AIMP2: variants seen among roughly 807,000 people sequenced by gnomAD.
AIMP2 encodes aminoacyl tRNA synthetase complex interacting multifunctional protein 2, also known as aminoacyl tRNA synthase complex-interacting multifunctional protein 2.
A neutral mutation model predicts 23.4 loss-of-function variants in AIMP2; 20 were observed. The observed-to-expected ratio is 0.85, with a 90% CI of 0.60 to 1.24. AIMP2 has a LOEUF of 1.24. Ranked by LOEUF, AIMP2 falls within the 50% of genes most tolerant of loss-of-function variation. The probability of loss-of-function intolerance (pLI) is 0.00; values close to 1 mark genes in which losing one functional copy is unlikely to be tolerated. For synonymous variants in AIMP2, 210 were observed against 170.4 expected (o/e 1.23, Z -1.81); for missense variants, 515 against 414.5 (o/e 1.24, Z -2.10).
At position 6,009,492 on chromosome 7, in the gene AIMP2, C is replaced by A. The variant is rs775895677; in HGVS notation, c.129C>A (p.His43Gln). ...RSYGPAPGAG[H>Q]VQEESNLSLQ... is the part of the protein sequence containing the mutation. ...ACGGCCCAGCGCCGGGCGCTGGCCA[C>A]GTGCAGGTAGGAGCGCGGGGCCCCC... Residue 43 changes from histidine (H) to glutamine (Q), a missense_variant, in exon 1 of 4, where the codon CAC becomes CAA. His to Gln is a conservative substitution (Grantham distance 24). Coordinates refer to ENST00000223029, the MANE Select transcript of AIMP2 (RefSeq NM_006303.4). 4.5e-6 allele frequency: 7 copies of A among 1,549,756 alleles called. No individual in the cohort carries two copies. Among genetic ancestry groups the A allele is most frequent in the East Asian group, 2.4e-5 (1 of 41,290 alleles).
At position 6,009,296 on chromosome 7, in the gene AIMP2, C is replaced by A. The variant is rs1583437645; in HGVS notation, c.-68C>A. On this transcript the variant is annotated 5_prime_UTR_variant, in exon 1 of 4. Coordinates refer to ENST00000223029, the MANE Select transcript of AIMP2 (RefSeq NM_006303.4). ...CAGAAGGGAGGTGGCCGGTCTCCGT[C>A]GTGACCTCTGACGGTTTCTGAGCGT... 1.2e-6 allele frequency: 2 copies of A among 1,609,836 alleles called. No individual in the cohort carries two copies. The highest frequency in any genetic ancestry group is 1.7e-6 in the Non-Finnish European group (2 of 1,179,010).
At chr7:6,010,327 T>A (rs1043743527) in intron 1 of AIMP2, among the ~76,000 whole-genome samples, 1 of 151,980 alleles carries the variant, frequency 6.6e-6, no homozygotes, top group African/African-American at 2.4e-5. Flanking sequence ...CTCCATTCTT[T>A]CCACTTAAAC....
At chr7:6,009,554 C>A in intron 1 of AIMP2, 56 bp downstream of exon 1, 1 of 1,375,360 alleles carries the variant, frequency 7.3e-7, no homozygotes, top group South Asian at 1.7e-5. Flanking sequence ...GCTGCTGGCC[C>A]GGGTCCCCCC....
intron 3 of AIMP2, among the ~76,000 whole-genome samples, chr7:6,020,677 A>G (rs777104833): frequency 6.6e-6 from 1 of 152,204 alleles, no homozygotes; most frequent in South Asian, 2.1e-4. Context: ...GCAGCAGACA[A>G]GTTCCCAGAT....
intron 3 of AIMP2, among the ~76,000 whole-genome samples, chr7:6,021,696 T>C (rs1271310185): frequency 6.6e-6 from 1 of 152,112 alleles, no homozygotes; most frequent in African/African-American, 2.4e-5. Context: ...GAAGAAGACC[T>C]AGGAGAAGCC....
At chr7:6,018,565 G>C (rs1026183172) in intron 3 of AIMP2, among the ~76,000 whole-genome samples, 1 of 152,022 alleles carries the variant, frequency 6.6e-6, no homozygotes, top group Non-Finnish European at 1.5e-5. Flanking sequence ...GCCACGCGCA[G>C]GGGCTCACGC....
chr7:6,018,002 C>G lies in AIMP2; in HGVS notation c.531C>G (p.Pro177=), dbSNP rs757057598. The part of the protein sequence containing the change: ...KCFGEQNKKQ[P]RQDYQLGFTL... ...TTGGAGAACAGAATAAAAAACAGCC[C>G]CGCCAAGACTATCAGCTGGGATTCA... Residue 177 remains proline, a synonymous_variant, in exon 3 of 4, where the codon CCC becomes CCG. Transcript: ENST00000223029. 6.2e-7 allele frequency: 1 copy of G among 1,613,882 alleles called. No individual in the cohort carries two copies. Among genetic ancestry groups the G allele is most frequent in the African/African-American group, 1.3e-5 (1 of 74,868 alleles).
rs751740812 is a variant in AIMP2, at chr7:6,023,349, C to A, written c.621C>A (p.Ile207=). 2.9e-5 allele frequency: 46 copies of A among 1,611,036 alleles called. 1 individual carries two copies. The South Asian group carries it at 4.9e-4, about 17-fold the overall frequency. The part of the protein sequence containing the change: ...MKFSIQTMCP[I]EGEGNIARFL... ...TCAGCATCCAGACGATGTGCCCCAT[C>A]GAAGGCGAAGGGAACATTGCACGTT... is the stretch of plus-strand genomic sequence containing the variant. Residue 207 remains isoleucine (I), a synonymous_variant, in exon 4 of 4, where the codon ATC becomes ATA. Coordinates refer to ENST00000223029, the MANE Select transcript of AIMP2 (RefSeq NM_006303.4).
At position 6,011,934 on chromosome 7, in the gene AIMP2, TAAC is replaced by T. The variant is rs1474183211; in HGVS notation, c.135+2439_135+2441del. ...TTCTAGCAGTTTCTCTAGGAGGTGA[TAAC>T]AATGCGGACAAATAATTAGCCATAA... On this transcript the variant is annotated intron_variant, in intron 1 of 3. Coordinates refer to ENST00000223029, the MANE Select transcript of AIMP2 (RefSeq NM_006303.4). Among the ~76,000 whole-genome samples, 3 of 152,174 alleles carry T rather than the reference TAAC, an allele frequency of 2.0e-5. No homozygotes were observed. In the South Asian group the frequency reaches 6.2e-4, roughly 32 times the overall value.
chr7:6,010,823 T>C (rs1786629332), intron 1 of AIMP2, among the ~76,000 whole-genome samples: 1 of 145,136 alleles, frequency 6.9e-6, no homozygotes, highest in South Asian at 2.2e-4. Flanking sequence ...TTTTTTTTAA[T>C]GTAGAGATGA....
rs1020256663 is a variant in AIMP2 at position 6,021,707 on chromosome 7, G to A, written c.575-1596G>A. ...TGAGGAAGAAGACCTAGGAGAAGCCGGGCTGGAAAACAGATTTCCATTAGA... is the reference window on the plus strand; with the variant it reads ...TGAGGAAGAAGACCTAGGAGAAGCCAGGCTGGAAAACAGATTTCCATTAGA... On this transcript the variant is annotated intron_variant, in intron 3 of 3. Transcript: ENST00000223029. Among the ~76,000 whole-genome samples the A allele has an allele frequency of 2.0e-5, 3 of 152,084 alleles. No individual in the cohort carries two copies. The South Asian group carries it at 6.2e-4, about 32-fold the overall frequency.
Position 6,009,413 on chromosome 7 carries a change from G to A in AIMP2, c.50G>A (p.Arg17His), listed in dbSNP as rs774238548. 19 of 1,611,390 alleles carry A rather than the reference G, an allele frequency of 1.2e-5. No homozygotes were observed. Among genetic ancestry groups the A allele is most frequent in the Non-Finnish European group, 1.4e-5 (16 of 1,179,984 alleles). Residue 17 changes from arginine to histidine, a missense_variant, in exon 1 of 4, where the codon CGT becomes CAT. Physicochemically the swap from Arg to His is conservative, Grantham distance 29 (BLOSUM62 0). Transcript: ENST00000223029. ...TATCACGGGGGCGGCGCGCCTCTCC[G>A]TGTGGAGCTTCCCACCTGCATGTAC... ...KPYHGGGAPL[R>H]VELPTCMYRL...
intron 1 of AIMP2, among the ~76,000 whole-genome samples, chr7:6,013,775 C>CTT (rs1318817497): frequency 7.9e-5 from 12 of 152,062 alleles, no homozygotes; most frequent in Non-Finnish European, 1.6e-4. Flanking sequence ...TAGCGCAGTT[C>CTT]TTTGTCTCTA....
At chr7:6,009,804 G>C (rs1426605664) in intron 1 of AIMP2, among the ~76,000 whole-genome samples, 2 of 149,964 alleles carry the variant, frequency 1.3e-5, no homozygotes, top group African/African-American at 4.9e-5. Flanking sequence ...TACAGAAATT[G>C]GCCGGGTGTG....
intron 1 of AIMP2, among the ~76,000 whole-genome samples, chr7:6,011,991 G>T (rs941300450): frequency 6.6e-6 from 1 of 152,158 alleles, no homozygotes; most frequent in African/African-American, 2.4e-5. Context: ...AGTGGCCCAC[G>T]TCTGTAATCC....
chr7:6,010,205 G>C (rs1250244037), intron 1 of AIMP2, among the ~76,000 whole-genome samples: 1 of 150,772 alleles, frequency 6.6e-6, no homozygotes, highest in Non-Finnish European at 1.5e-5. Context: ...TAAACATTTT[G>C]GTTCAGAGAT....
At chr7:6,017,270 T>C (rs4724768) in intron 2 of AIMP2, among the ~76,000 whole-genome samples, 123,289 of 151,886 alleles carry the variant, frequency 0.81, 50,174 homozygotes, top group East Asian at 0.91. Context: ...AATCCCAGCA[T>C]TTTGGGAGGC....
Position 6,017,814 on chromosome 7 carries a change from G to C in AIMP2, c.343G>C (p.Asp115His), listed in dbSNP as rs768501526. The C allele has an allele frequency of 6.2e-7, 1 of 1,613,020 alleles. No homozygotes were observed. Among genetic ancestry groups the C allele is most frequent in the Non-Finnish European group, 8.5e-7 (1 of 1,179,406 alleles). Residue 115 changes from aspartate to histidine, a missense_variant and splice_region_variant, in exon 3 of 4, where the codon GAT becomes CAT. Coordinates refer to ENST00000223029, the MANE Select transcript of AIMP2 (RefSeq NM_006303.4). ...ALDLNSVLGK[D>H]YGALKDIVIN... is the part of the protein sequence containing the mutation. ...GTACATTGTCTTGGTCTTTCCCCAG[G>C]ATTACGGGGCGCTGAAAGACATCGT...
chr7:6,018,451 A>T, intron 3 of AIMP2, among the ~76,000 whole-genome samples: 1 of 150,308 alleles, frequency 6.7e-6, no homozygotes. Context: ...CCCGGGCCTC[A>T]TGTGGATTTT....
Sources: allele counts gnomAD v4.1 joint callset (sites outside exome capture counted in the v4.1 genomes callset), GRCh38; gene constraint gnomAD v4.1.1; transcripts MANE v1.5; gene names NCBI Gene and HGNC (gene_info 2026-07-23, HGNC 2026-07-21).